KASH5: variants seen among roughly 807,000 people sequenced by gnomAD.
KASH5 encodes the protein protein KASH5.
A neutral mutation model predicts 84.2 loss-of-function variants in KASH5; 72 were observed. That is an observed-to-expected ratio of 0.85 (90% confidence interval 0.71 to 1.04). The LOEUF (loss-of-function observed/expected upper bound fraction) is 1.04. KASH5 is among the 50% of genes least tolerant of loss of function. The pLI is 0.00. For synonymous variants in KASH5, 260 were observed against 279.1 expected (o/e 0.93, Z 0.68); for missense variants, 650 against 701.0 (o/e 0.93, Z 0.82).
chr19:49,398,590 A>C, intron 7 of KASH5, among the ~76,000 whole-genome samples: 1 of 151,986 alleles, frequency 6.6e-6, no homozygotes, highest in East Asian at 1.9e-4. Flanking sequence ...GCTGGTCTCA[A>C]ACTCCTGGGC....
rs1974142186 is a variant in KASH5, at chr19:49,395,386, G to A, written c.335+94G>A. On this transcript the variant is annotated intron_variant, in intron 4 of 19. Coordinates refer to ENST00000447857, the MANE Select transcript of KASH5 (RefSeq NM_144688.5). This position sits in a 1 kb window ranked among gnomAD's most constrained non-coding sequence, Gnocchi z 4.4. ...GGAGCCAGCATCCTTTAGGCCCAAG[G>A]ACCTACTGTGTTTGGAATGAGGCTG... The A allele has an allele frequency of 7.5e-7, 1 of 1,330,024 alleles. No individual in the cohort carries two copies. The highest frequency in any genetic ancestry group is 1.0e-6 in the Non-Finnish European group (1 of 953,226). 82.4% of individuals were successfully genotyped at this position (1,330,024 alleles called of 1,614,324 possible).
chr19:49,407,506 C>G, intron 11 of KASH5, 106 bp from the exon 12 acceptor site: 27 of 1,296,890 alleles, frequency 2.1e-5, no homozygotes, highest in Non-Finnish European at 2.9e-5. Flanking sequence ...GCTCTTCCCT[C>G]AAGCTCACCC....
chr19:49,399,743 G>A lies in KASH5; in HGVS notation c.798+236G>A. 2 of 1,211,934 alleles carry A rather than the reference G, an allele frequency of 1.7e-6. No individual in the cohort carries two copies. The highest frequency in any genetic ancestry group is 2.6e-5 in the East Asian group (1 of 38,126). 75.1% of individuals were successfully genotyped at this position (1,211,934 alleles called of 1,614,324 possible). The stretch of plus-strand genomic sequence containing the variant: ...AGGCTGAGGCCACCTACATAAGAGT[G>A]GACCAGTGCCTCCCTTCTCTGTGCC... On this transcript the variant is annotated intron_variant, in intron 9 of 19. Transcript: ENST00000447857. This position sits in a 1 kb window ranked among gnomAD's most constrained non-coding sequence, Gnocchi z 4.4.
intron 17 of KASH5, 142 bp downstream of exon 17, chr19:49,415,138 C>A: frequency 1.2e-6 from 1 of 843,142 alleles, no homozygotes; most frequent in Non-Finnish European, 1.9e-6. Context: ...CAAGAGATAA[C>A]AAGGCCTTTG....
At position 49,407,662 on chromosome 19, in the gene KASH5, G is replaced by A; in HGVS notation, c.984G>A (p.Val328=). 1 of 1,604,286 alleles carries A rather than the reference G, an allele frequency of 6.2e-7. No homozygotes were observed. Among genetic ancestry groups the A allele is most frequent in the Non-Finnish European group, 8.5e-7 (1 of 1,175,464 alleles). The change falls in exon 12 of 20, where the codon GTG becomes GTA. Residue 328 remains valine (V), a synonymous_variant. Transcript: ENST00000447857. ...CCCAGACCCTGGAAGAATACAGAGT[G>A]ACGACGCAGGTAACTCAGCGGCCCT... is the stretch of plus-strand genomic sequence containing the variant. The part of the protein sequence containing the change: ...SLAQTLEEYR[V]TTQELRLEIS...
chr19:49,396,538 G>A (rs1974188804), intron 5 of KASH5, among the ~76,000 whole-genome samples: 1 of 152,180 alleles, frequency 6.6e-6, no homozygotes, highest in Admixed American at 6.5e-5. Flanking sequence ...ACAGGCGTGA[G>A]CCACTGCGCC....
intron 5 of KASH5, among the ~76,000 whole-genome samples, chr19:49,396,147 G>A (rs962084357): frequency 4.0e-5 from 6 of 151,858 alleles, no homozygotes; most frequent in Non-Finnish European, 7.4e-5. Flanking sequence ...AGGCCCACTG[G>A]TCTTGCTGCC....
chr19:49,403,234 A>G (rs1974419599), intron 9 of KASH5, among the ~76,000 whole-genome samples: 1 of 152,170 alleles, frequency 6.6e-6, no homozygotes, highest in Non-Finnish European at 1.5e-5. Context: ...TTAGTTGGGC[A>G]TGGCGGCGGG....
At chr19:49,406,600 C>T (rs1000642101) in intron 9 of KASH5, among the ~76,000 whole-genome samples, 1 of 152,136 alleles carries the variant, frequency 6.6e-6, no homozygotes, top group East Asian at 1.9e-4. Context: ...TGGTCTTGAA[C>T]TCCTGACCTT....
At position 49,413,741 on chromosome 19, in the gene KASH5, G is replaced by A. The variant is rs567324734; in HGVS notation, c.1328+715G>A. ...CCAGAGGTCAGGGGCAGTTTGATCC[G>A]CAGGTTGGAAAGCTGGGAGTGAGGA... On this transcript the variant is annotated intron_variant, in intron 16 of 19. Coordinates refer to ENST00000447857, the MANE Select transcript of KASH5 (RefSeq NM_144688.5). 1.6e-3 allele frequency among the ~76,000 whole-genome samples: 244 copies of A among 152,186 alleles called. 1 individual carries two copies. Among genetic ancestry groups the A allele is most frequent in the Non-Finnish European group, 2.7e-3 (184 of 68,006 alleles).
intron 2 of KASH5, chr19:49,391,845 C>T (rs947379954): frequency 2.0e-5 from 3 of 152,334 alleles, no homozygotes; most frequent in Admixed American, 1.3e-4. Context: ...GGTTGCCTCT[C>T]TGAAACTCAT....
intron 13 of KASH5, 70 bp downstream of exon 13, chr19:49,409,101 G>T: frequency 8.8e-6 from 14 of 1,581,960 alleles, no homozygotes; most frequent in Non-Finnish European, 1.1e-5. Context: ...CTGGCCTCCA[G>T]CCCCAAGGTG....
rs1974657925 is a variant in KASH5 at position 49,409,889 on chromosome 19, A to G, written c.1269+14A>G. ...GCTGGGGGACAGGTGAGCACAGGAA[A>G]AGCTCTGAAGTCCAGGAGCTGGAAA... On this transcript the variant is annotated intron_variant, in intron 15 of 19. Transcript: ENST00000447857. 2 of 1,612,172 alleles carry G rather than the reference A, an allele frequency of 1.2e-6. No homozygotes were observed. Among genetic ancestry groups the G allele is most frequent in the African/African-American group, 2.7e-5 (2 of 74,958 alleles).
chr19:49,408,861 A>C (rs1159979994), intron 12 of KASH5, 106 bp from the exon 13 acceptor site: 5 of 1,191,368 alleles, frequency 4.2e-6, no homozygotes, highest in Non-Finnish European at 6.0e-6. Flanking sequence ...TGGGGAGCCC[A>C]AAGTAGTCAG....
intron 9 of KASH5, among the ~76,000 whole-genome samples, chr19:49,400,448 C>A (rs1009265473): frequency 1.3e-5 from 2 of 150,944 alleles, no homozygotes; most frequent in Admixed American, 6.6e-5. Flanking sequence ...TCATGGCAAC[C>A]ACCGTCTCCC....
chr19:49,403,024 A>G (rs537110397), intron 9 of KASH5, among the ~76,000 whole-genome samples: 1 of 152,162 alleles, frequency 6.6e-6, no homozygotes, highest in Non-Finnish European at 1.5e-5. Context: ...AACAGCTTCA[A>G]TCTCATGTTC....
At chr19:49,397,578 C>A in intron 5 of KASH5, 73 bp from the exon 6 acceptor site, 1 of 1,420,288 alleles carries the variant, frequency 7.0e-7, no homozygotes, top group Non-Finnish European at 9.9e-7. Flanking sequence ...TGGAGTCCAA[C>A]CTCAGAGCCC....
rs1600967372 is a variant in KASH5 at position 49,417,253 on chromosome 19, C to A, written c.1534C>A (p.Pro512Thr). ...RRAWGQLCLP[P>T]QRLRVTRHPL... ...GGCCTGGGGCCAGCTCTGCCTGCCC[C>A]CACAGCGGCTCAGGTGTGCCCCCAG... The change falls in exon 19 of 20, where the codon CCA (proline) becomes ACA (threonine). Residue 512 changes from proline (P) to threonine (T), a missense_variant. Coordinates refer to ENST00000447857, the MANE Select transcript of KASH5 (RefSeq NM_144688.5). This position sits in a 1 kb window ranked among gnomAD's most constrained non-coding sequence, Gnocchi z 5.2. 1 of 1,613,070 alleles carries A rather than the reference C, an allele frequency of 6.2e-7. No individual in the cohort carries two copies. The highest frequency in any genetic ancestry group is 2.2e-5 in the East Asian group (1 of 44,870).
intron 14 of KASH5, among the ~76,000 whole-genome samples, 155 bp from the exon 15 acceptor site, chr19:49,409,598 C>T (rs934415183): frequency 1.3e-5 from 2 of 152,142 alleles, no homozygotes; most frequent in African/African-American, 4.8e-5. Context: ...CTCCCCTGTT[C>T]CTGCTTCTGC....
Sources: gnomAD v4.1 joint callset for allele counts (sites outside exome capture counted in the v4.1 genomes callset) on GRCh38, gnomAD v4.1.1 for gene constraint, Gnocchi (gnomAD v3.1) non-coding constraint, MANE v1.5 for transcripts, NCBI Gene and HGNC (gene_info 2026-07-23, HGNC 2026-07-21) for gene names.